ARPP21: variants seen among roughly 807,000 people sequenced by gnomAD.
ARPP21 encodes the protein cAMP-regulated phosphoprotein 21.
In ARPP21, 69 loss-of-function variants were observed where a neutral mutation model predicts 113.2. The observed-to-expected ratio is 0.61, with a 90% CI of 0.50 to 0.74. The LOEUF is 0.74. ARPP21 is among the 30% of genes least tolerant of loss of function. The pLI, the probability that ARPP21 is intolerant of heterozygous loss-of-function variation, is 0.00. For synonymous variants in ARPP21, 368 were observed against 375.5 expected (o/e 0.98, Z 0.23); for missense variants, 1,070 against 1,037.4 (o/e 1.03, Z -0.43).
intron 19 of ARPP21, among the ~76,000 whole-genome samples, chr3:35,768,498 TA>T: frequency 6.6e-6 from 1 of 152,248 alleles, no homozygotes; most frequent in Admixed American, 6.5e-5. Context: ...TTTAATAAAA[TA>T]AAAATAACCG....
intron 19 of ARPP21, among the ~76,000 whole-genome samples, chr3:35,745,811 C>G (rs1175101387): frequency 6.6e-6 from 1 of 152,162 alleles, no homozygotes; most frequent in African/African-American, 2.4e-5. Context: ...AACACCCTCT[C>G]CCATTCAGTT....
At chr3:35,683,237 C>A (rs1318536032) in intron 4 of ARPP21, among the ~76,000 whole-genome samples, 1 of 151,490 alleles carries the variant, frequency 6.6e-6, no homozygotes, top group Non-Finnish European at 1.5e-5. Context: ...AACAAATGAC[C>A]ATTTGTTTTG....
intron 19 of ARPP21, among the ~76,000 whole-genome samples, chr3:35,780,221 A>C (rs1439172090): frequency 6.6e-6 from 1 of 152,178 alleles, no homozygotes; most frequent in Non-Finnish European, 1.5e-5. Context: ...ATCATCAATG[A>C]ATGTTCTTGA....
chr3:35,691,678 C>G (rs571178738), intron 9 of ARPP21, among the ~76,000 whole-genome samples: 1 of 151,610 alleles, frequency 6.6e-6, no homozygotes, highest in East Asian at 2.0e-4. Flanking sequence ...CACTGAGTCA[C>G]CAAAAGCATA....
At chr3:35,717,465 T>G in intron 13 of ARPP21, 108 bp downstream of exon 13, 2 of 710,556 alleles carry the variant, frequency 2.8e-6, no homozygotes, top group East Asian at 5.2e-5. Flanking sequence ...TTTAAAAAAG[T>G]CTGGTTATCT....
chr3:35,700,810 C>T (rs2086060191), intron 9 of ARPP21, among the ~76,000 whole-genome samples: 1 of 151,562 alleles, frequency 6.6e-6, no homozygotes. Flanking sequence ...TAGAAAATAC[C>T]ACTGGAGCTT....
intron 16 of ARPP21, 88 bp downstream of exon 16, chr3:35,737,450 C>T (rs1397362805): frequency 1.6e-5 from 14 of 872,238 alleles, no homozygotes; most frequent in African/African-American, 1.0e-4. Flanking sequence ...CAGGGAGAAG[C>T]GTATATTTTA....
chr3:35,665,297 T>A (rs901203480), intron 1 of ARPP21, among the ~76,000 whole-genome samples: 17 of 152,076 alleles, frequency 1.1e-4, no homozygotes, highest in African/African-American at 3.6e-4. Context: ...CTTTTTTTTT[T>A]AATATGATAA....
intron 11 of ARPP21, among the ~76,000 whole-genome samples, chr3:35,713,247 TA>T (rs5847895): frequency 0.99 from 151,395 of 152,176 alleles, 75,318 homozygotes; most frequent in South Asian, 1. Flanking sequence ...CTACTTTTTT[TA>T]AAAAAAAGTT....
At chr3:35,728,968 G>A (rs956134231) in intron 14 of ARPP21, among the ~76,000 whole-genome samples, 1 of 152,036 alleles carries the variant, frequency 6.6e-6, no homozygotes, top group Admixed American at 6.5e-5. Context: ...CTAACTACTT[G>A]GGGATATAGG....
intron 9 of ARPP21, among the ~76,000 whole-genome samples, chr3:35,693,615 C>G (rs1407858962): frequency 6.6e-6 from 1 of 151,650 alleles, no homozygotes; most frequent in Non-Finnish European, 1.5e-5. Context: ...TGTTGCCATG[C>G]TCTTTGGGGT....
At chr3:35,737,136 G>GATT (rs1280727744) in intron 15 of ARPP21, 42 bp from the exon 16 acceptor site, 1 of 1,218,054 alleles carries the variant, frequency 8.2e-7, no homozygotes, top group Admixed American at 1.8e-5. Context: ...TCAAAGGAGA[G>GATT]ATTGAGAAGC....
intron 14 of ARPP21, 151 bp downstream of exon 14, chr3:35,721,985 G>A: frequency 3.3e-6 from 2 of 602,182 alleles, no homozygotes; most frequent in Non-Finnish European, 5.8e-6. Flanking sequence ...ATTTAAATAG[G>A]TTACTGACTC....
rs143339489 is a variant in ARPP21 at position 35,758,883 on chromosome 3, T to A, written c.2137+14918T>A. Among the ~76,000 whole-genome samples the A allele has an allele frequency of 7.2e-5, 11 of 152,120 alleles. No homozygotes were observed. In the East Asian group the frequency reaches 2.1e-3, roughly 29 times the overall value. ...AAGTGTGTGTGTGTGCATGCTTATG[T>A]GTGTGTGGGTGGTGGGTGGATATAT... On this transcript the variant is annotated intron_variant, in intron 19 of 20. Coordinates refer to ENST00000684406, the MANE Select transcript of ARPP21 (RefSeq NM_001385562.1).
At chr3:35,729,279 T>C (rs751106085) in intron 14 of ARPP21, 24 bp from the exon 15 acceptor site, 69 of 1,529,150 alleles carry the variant, frequency 4.5e-5, no homozygotes, top group Non-Finnish European at 6.1e-5. Context: ...GTTCAATGAT[T>C]TGTTGATTGT....
chr3:35,683,934 T>C lies in ARPP21; in HGVS notation c.261+119T>C, dbSNP rs1441585595. On this transcript the variant is annotated intron_variant, in intron 5 of 20. Coordinates refer to ENST00000684406, the MANE Select transcript of ARPP21 (RefSeq NM_001385562.1). ...GAAAAATATAATTGAAGAAAATAAT[T>C]CATTTTTTGGCTTTATCCCCTGCTT... The C allele has an allele frequency of 4.8e-6, 5 of 1,050,680 alleles. No individual in the cohort carries two copies. In the African/African-American group the frequency reaches 6.3e-5, roughly 13 times the overall value. 65.1% of individuals were successfully genotyped at this position (1,050,680 alleles called of 1,614,324 possible). A position where few individuals can be genotyped will look rare whatever the true frequency, so the allele number is the denominator to read the frequency against.
At chr3:35,756,924 G>A (rs911981928) in intron 19 of ARPP21, among the ~76,000 whole-genome samples, 2 of 152,068 alleles carry the variant, frequency 1.3e-5, no homozygotes, top group African/African-American at 4.8e-5. Flanking sequence ...GCTCCAAGTA[G>A]GTTTGCATTA....
intron 9 of ARPP21, among the ~76,000 whole-genome samples, chr3:35,691,874 G>A (rs2082340974): frequency 6.6e-6 from 1 of 151,418 alleles, no homozygotes; most frequent in South Asian, 2.1e-4. Context: ...TAAATTGCAT[G>A]CTCTTTAGAA....
intron 8 of ARPP21, 64 bp from the exon 9 acceptor site, chr3:35,690,801 T>C (rs559000417): frequency 5.6e-5 from 82 of 1,472,098 alleles, no homozygotes; most frequent in Middle Eastern, 3.6e-4. Context: ...TGTATACTTG[T>C]AAAAAGGTAT....
Sources: allele counts gnomAD v4.1 joint callset (sites outside exome capture counted in the v4.1 genomes callset), GRCh38; gene constraint gnomAD v4.1.1; transcripts MANE v1.5; gene names NCBI Gene and HGNC (gene_info 2026-07-23, HGNC 2026-07-21).